The following CYP19A1 variants were observed in gnomAD, a reference collection of about 807,000 sequenced individuals.
The protein encoded by CYP19A1 is aromatase.
CYP19A1 carries 32 observed loss-of-function variants against 44.4 expected under a neutral mutation model. The observed-to-expected ratio is 0.72, with a 90% CI of 0.54 to 0.97. The LOEUF (loss-of-function observed/expected upper bound fraction) is 0.97. CYP19A1 is among the 50% of genes least tolerant of loss of function. The probability of loss-of-function intolerance (pLI) is 0.00; values close to 1 mark genes in which losing one functional copy is unlikely to be tolerated. For missense variants in CYP19A1, 598 were observed against 637.8 expected (o/e 0.94, Z 0.67); for synonymous variants, 212 against 215.6 (o/e 0.98, Z 0.14).
At chr15:51,253,197 G>A (rs544782268) in intron 1 of CYP19A1, among the ~76,000 whole-genome samples, 1 of 152,246 alleles carries the variant, frequency 6.6e-6, no homozygotes, top group African/African-American at 2.4e-5. Flanking sequence ...TTACTAGGAG[G>A]AAGAAACGAG....
chr15:51,230,909 A>G (rs2032979312), intron 3 of CYP19A1, among the ~76,000 whole-genome samples: 1 of 152,202 alleles, frequency 6.6e-6, no homozygotes, highest in Non-Finnish European at 1.5e-5. Context: ...GGTGTGAGCC[A>G]CTGCACCCGG....
Position 51,210,918 on chromosome 15 carries a change from C to T in CYP19A1, c.1402G>A (p.Val468Ile). 5 of 1,605,890 alleles carry T rather than the reference C, an allele frequency of 3.1e-6. No individual in the cohort carries two copies. The South Asian group carries it at 5.5e-5, about 18-fold the overall frequency. ...TCGTGTATCTTCTGTATGCTCTCAA[C>T]ACACTGTCCTTGCAATGTCTTCACG... ...FHVKTLQGQC[V>I]ESIQKIHDLS... The change falls in exon 10 of 10, where the codon GTT becomes ATT. Residue 468 changes from valine to isoleucine, a missense_variant. Physicochemically the swap from Val to Ile is conservative, Grantham distance 29. Transcript: ENST00000396402.
chr15:51,331,987 G>A (rs2036709622), intron 1 of CYP19A1, among the ~76,000 whole-genome samples: 1 of 151,568 alleles, frequency 6.6e-6, no homozygotes, highest in Admixed American at 6.6e-5. Flanking sequence ...GCATATAACT[G>A]TCTGCTTTTT....
intron 1 of CYP19A1, among the ~76,000 whole-genome samples, chr15:51,282,637 C>T (rs1020653979): frequency 6.6e-6 from 1 of 152,236 alleles, no homozygotes; most frequent in East Asian, 1.9e-4. Context: ...TCCTTTGACT[C>T]TGCCAGACTT....
At chr15:51,316,462 TTAGA>T (rs2036428146) in intron 1 of CYP19A1, among the ~76,000 whole-genome samples, 1 of 152,248 alleles carries the variant, frequency 6.6e-6, no homozygotes, top group South Asian at 2.1e-4. Flanking sequence ...ATCTCATATA[TTAGA>T]TAGGGCTTTA....
chr15:51,249,297 C>T (rs529982589), intron 1 of CYP19A1, among the ~76,000 whole-genome samples: 28 of 152,266 alleles, frequency 1.8e-4, no homozygotes, highest in Admixed American at 1.2e-3. Flanking sequence ...AAGTCTGACT[C>T]CTGCTTTACC....
chr15:51,222,955 A>C (rs1430584443), intron 4 of CYP19A1, among the ~76,000 whole-genome samples: 3 of 152,164 alleles, frequency 2.0e-5, no homozygotes, highest in Non-Finnish European at 4.4e-5. Flanking sequence ...AACAGGTGGC[A>C]GGATATTATT....
At chr15:51,292,541 C>T (rs2035870858) in intron 1 of CYP19A1, among the ~76,000 whole-genome samples, 1 of 152,214 alleles carries the variant, frequency 6.6e-6, no homozygotes, top group East Asian at 1.9e-4. Flanking sequence ...TAGTCTGTCC[C>T]TTGGCATATG....
chr15:51,216,352 A>C (rs990362300), intron 6 of CYP19A1, among the ~76,000 whole-genome samples: 18 of 152,110 alleles, frequency 1.2e-4, no homozygotes, highest in African/African-American at 4.3e-4. Context: ...CCTGGGTTCA[A>C]GCCATTCTCC....
chr15:51,303,825 G>A (rs773967813), intron 1 of CYP19A1, among the ~76,000 whole-genome samples: 13 of 152,224 alleles, frequency 8.5e-5, no homozygotes, highest in Non-Finnish European at 1.6e-4. Context: ...GCAATTGCAC[G>A]TGTCCATGCC....
At chr15:51,239,918 A>G (rs1214741152) in intron 2 of CYP19A1, among the ~76,000 whole-genome samples, 1 of 152,020 alleles carries the variant, frequency 6.6e-6, no homozygotes, top group East Asian at 1.9e-4. Context: ...ATCTGGAGGG[A>G]GAGGACCCTT....
intron 1 of CYP19A1, among the ~76,000 whole-genome samples, chr15:51,330,688 G>C (rs116501436): frequency 2.5e-3 from 380 of 152,222 alleles, no homozygotes; most frequent in African/African-American, 8.9e-3. Flanking sequence ...GCAGTTGGGT[G>C]CACAGAAGTT....
At chr15:51,276,996 T>A (rs1216485855) in intron 1 of CYP19A1, 2 of 149,980 alleles carry the variant, frequency 1.3e-5, no homozygotes, top group Non-Finnish European at 3.0e-5. Context: ...AAAGAGGTAT[T>A]TGCACCTCTG....
intron 1 of CYP19A1, among the ~76,000 whole-genome samples, chr15:51,271,291 A>T (rs1270750291): frequency 6.6e-6 from 1 of 152,074 alleles, no homozygotes; most frequent in African/African-American, 2.4e-5. Context: ...ATACCCCTCT[A>T]ACCAGGCCTG....
At chr15:51,257,948 T>G (rs2034575942) in intron 1 of CYP19A1, among the ~76,000 whole-genome samples, 1 of 152,274 alleles carries the variant, frequency 6.6e-6, no homozygotes, top group South Asian at 2.1e-4. Flanking sequence ...ACTTATTAAG[T>G]GCTTACTCTG....
At chr15:51,221,231 A>G (rs2032049723) in intron 5 of CYP19A1, 1 of 152,198 alleles carries the variant, frequency 6.6e-6, no homozygotes, top group African/African-American at 2.4e-5. Context: ...GTGGTAAATA[A>G]TGTTCTAAAA....
At chr15:51,316,634 T>C (rs1489390019) in intron 1 of CYP19A1, among the ~76,000 whole-genome samples, 1 of 151,074 alleles carries the variant, frequency 6.6e-6, no homozygotes, top group African/African-American at 2.4e-5. Flanking sequence ...ATCCCAACTC[T>C]TTGGAAGGCC....
At chr15:51,302,872 C>T (rs919289573) in intron 1 of CYP19A1, among the ~76,000 whole-genome samples, 7 of 152,224 alleles carry the variant, frequency 4.6e-5, no homozygotes, top group African/African-American at 1.7e-4. Context: ...TCCTCAAAGG[C>T]AGGATCCATG....
chr15:51,289,201 T>A (rs1442068863), intron 1 of CYP19A1, among the ~76,000 whole-genome samples: 1 of 152,196 alleles, frequency 6.6e-6, no homozygotes, highest in African/African-American at 2.4e-5. Context: ...TGAAGGTAAT[T>A]TACCTCATGC....
Sources: gnomAD v4.1 joint callset for allele counts (sites outside exome capture counted in the v4.1 genomes callset) on GRCh38, gnomAD v4.1.1 for gene constraint, MANE v1.5 for transcripts, NCBI Gene and HGNC (gene_info 2026-07-23, HGNC 2026-07-21) for gene names.